The following NAB1 variants were observed in gnomAD, a reference collection of about 807,000 sequenced individuals.
NAB1 encodes NGFI-A-binding protein 1.
NAB1 carries 25 observed loss-of-function variants against 49.9 expected under a neutral mutation model. The observed-to-expected ratio is 0.50, with a 90% confidence interval of 0.37 to 0.70. The LOEUF is 0.70. NAB1 is among the 30% of genes least tolerant of loss of function. The pLI is 0.00. For synonymous variants in NAB1, 198 were observed against 215.6 expected, an observed-to-expected ratio of 0.92 and a Z score of 0.71; for missense variants, 489 against 575.9, an observed-to-expected ratio of 0.85 and a Z score of 1.54.
chr2:190,675,644 C>T lies in NAB1; in HGVS notation c.1005+2492C>T, dbSNP rs79646505. Among the ~76,000 whole-genome samples the T allele has an allele frequency of 4.2e-3, 635 of 152,296 alleles. 11 individuals carry two copies. In the East Asian group the frequency reaches 0.046, roughly 11 times the overall value. On this transcript the variant is annotated intron_variant, in intron 6 of 9. Coordinates refer to ENST00000337386, the MANE Select transcript of NAB1 (RefSeq NM_005966.4). The surrounding 1 kb of genome is among the most constrained non-coding windows in gnomAD (Gnocchi z 5.2). ...CTGTGAATAACTCTTCTAACCCTTC[C>T]TAAATAAGACAAGCGACAATCGGCC...
chr2:190,653,698 T>C (rs1222388609), intron 2 of NAB1: 1 of 152,244 alleles, frequency 6.6e-6, no homozygotes, highest in African/African-American at 2.4e-5. Flanking sequence ...AGATATTTGA[T>C]GATAACTTAC....
At chr2:190,662,259 T>C (rs1253104967) in intron 4 of NAB1, among the ~76,000 whole-genome samples, 1 of 152,242 alleles carries the variant, frequency 6.6e-6, no homozygotes, top group African/African-American at 2.4e-5. Context: ...TTTTTTCAAC[T>C]GTTCAAGTAC....
rs968945762 is a variant in NAB1, at chr2:190,677,735, G to T, written c.1005+4583G>T. 6.6e-6 allele frequency among the ~76,000 whole-genome samples: 1 copy of T among 152,156 alleles called. No individual in the cohort carries two copies. The highest frequency in any genetic ancestry group is 1.5e-5 in the Non-Finnish European group (1 of 68,032). On this transcript the variant is annotated intron_variant, in intron 6 of 9. Coordinates refer to ENST00000337386, the MANE Select transcript of NAB1 (RefSeq NM_005966.4). This position sits in a 1 kb window ranked among gnomAD's most constrained non-coding sequence, Gnocchi z 5.6. ...CATTTTACAGCCAAGGAGAGACCCA[G>T]ACAGGCTCAGTATCTTCACCTGTGT... is the stretch of plus-strand genomic sequence containing the variant.
chr2:190,687,415 A>C, intron 9 of NAB1, 98 bp downstream of exon 9: 1 of 604,714 alleles, frequency 1.7e-6, no homozygotes. Context: ...AAAAAAAAAA[A>C]AAAAGTCATT....
Position 190,686,379 on chromosome 2 carries a change from C to T in NAB1, c.1258+741C>T, listed in dbSNP as rs1212075327. On this transcript the variant is annotated intron_variant, in intron 8 of 9. Coordinates refer to ENST00000337386, the MANE Select transcript of NAB1 (RefSeq NM_005966.4). This position sits in a 1 kb window ranked among gnomAD's most constrained non-coding sequence, Gnocchi z 5.5. ...GAAGAAAAAAAATAATTTTATAGTGCCTCCTTTTTATATATTATTGTTATA... is the reference window on the plus strand; with the variant it reads ...GAAGAAAAAAAATAATTTTATAGTGTCTCCTTTTTATATATTATTGTTATA... Among the ~76,000 whole-genome samples, 1 of 152,036 alleles carries T rather than the reference C, an allele frequency of 6.6e-6. No individual in the cohort carries two copies. Among genetic ancestry groups the T allele is most frequent in the Admixed American group, 6.6e-5 (1 of 15,260 alleles).
rs973317310 is a variant in NAB1, at chr2:190,649,754, T to C, written c.-333-92T>C. 6.6e-6 allele frequency: 1 copy of C among 152,204 alleles called. No homozygotes were observed. Among genetic ancestry groups the C allele is most frequent in the Admixed American group, 6.5e-5 (1 of 15,280 alleles). The allele number at this position is 152,204 out of a possible 1,614,324, so 9.4% of individuals were successfully genotyped here. ...AGCCACCTTCGTCAGGGCAGTCTTT[T>C]TGTTTGTTTACTTTATAAAAGTGCT... On this transcript the variant is annotated intron_variant, in intron 1 of 9. Transcript: ENST00000337386. The surrounding 1 kb of genome is among the most constrained non-coding windows in gnomAD (Gnocchi z 6.1).
intron 9 of NAB1, 27 bp downstream of exon 9, chr2:190,687,344 G>T (rs754227330): frequency 8.8e-7 from 1 of 1,130,776 alleles, no homozygotes; most frequent in Non-Finnish European, 1.3e-6. Context: ...TGATGAGAGG[G>T]TAACACTTGA....
Position 190,649,617 on chromosome 2 carries a change from C to T in NAB1, c.-333-229C>T, listed in dbSNP as rs927643894. ...GCGCGGCCCTGACTCGTGCATTTTCCCTCCGAGAAAGGTTGGGGTGCCGAG... is the reference window on the plus strand; with the variant it reads ...GCGCGGCCCTGACTCGTGCATTTTCTCTCCGAGAAAGGTTGGGGTGCCGAG... On this transcript the variant is annotated intron_variant, in intron 1 of 9. Coordinates refer to ENST00000337386, the MANE Select transcript of NAB1 (RefSeq NM_005966.4). This position sits in a 1 kb window ranked among gnomAD's most constrained non-coding sequence, Gnocchi z 6.1. Among the ~76,000 whole-genome samples the T allele has an allele frequency of 6.6e-6, 1 of 151,984 alleles. No individual in the cohort carries two copies. The highest frequency in any genetic ancestry group is 1.5e-5 in the Non-Finnish European group (1 of 67,982).
At chr2:190,655,869 A>T (rs1437360224) in intron 2 of NAB1, 108 bp from the exon 3 acceptor site, 1 of 152,252 alleles carries the variant, frequency 6.6e-6, no homozygotes, top group Non-Finnish European at 1.5e-5. Context: ...AAGTTTTGGA[A>T]CAAATGATTA....
rs1695308860 is a variant in NAB1, at chr2:190,680,935, CAAGTT to C, written c.1006-2798_1006-2794del. 1.3e-5 allele frequency among the ~76,000 whole-genome samples: 2 copies of C among 152,096 alleles called. No homozygotes were observed. The highest frequency in any genetic ancestry group is 4.1e-4 in the South Asian group (2 of 4,832). On this transcript the variant is annotated intron_variant, in intron 6 of 9. Coordinates refer to ENST00000337386, the MANE Select transcript of NAB1 (RefSeq NM_005966.4). This position sits in a 1 kb window ranked among gnomAD's most constrained non-coding sequence, Gnocchi z 5.2. ...TTTCTGCTTCCTTAAAATGATTCTGCAAGTTAAGTACTATTGTTATCCCCATTTTA... is the reference window on the plus strand; with the variant it reads ...TTTCTGCTTCCTTAAAATGATTCTGCAAGTACTATTGTTATCCCCATTTTA...
In NAB1 at chr2:190,685,164, T is replaced by TA. The variant is rs1250863772; in HGVS notation, c.1096-306dup. ...TGCTGTTGCTTTTAGATTTCTGTTT[T>TA]AAAAAATCCTTTAAAGGACTTAGTA... On this transcript the variant is annotated intron_variant, in intron 7 of 9. Transcript: ENST00000337386. The surrounding 1 kb of genome is among the most constrained non-coding windows in gnomAD (Gnocchi z 4.5). 6.6e-6 allele frequency among the ~76,000 whole-genome samples: 1 copy of TA among 152,210 alleles called. No individual in the cohort carries two copies. The highest frequency in any genetic ancestry group is 1.9e-4 in the East Asian group (1 of 5,196).
At chr2:190,688,537 G>T (rs1695735565) in intron 9 of NAB1, among the ~76,000 whole-genome samples, 1 of 151,630 alleles carries the variant, frequency 6.6e-6, no homozygotes, top group Admixed American at 6.6e-5. Context: ...CAAAAAAAGT[G>T]ATCTTTAAAG....
chr2:190,671,879 G>A (rs1056508653), intron 5 of NAB1, among the ~76,000 whole-genome samples: 1 of 146,022 alleles, frequency 6.8e-6, no homozygotes, highest in African/African-American at 2.5e-5. Context: ...GGGTTCAAGC[G>A]ATTCTCTTGC....
At chr2:190,664,413 A>G (rs1209045415) in intron 4 of NAB1, among the ~76,000 whole-genome samples, 1 of 151,226 alleles carries the variant, frequency 6.6e-6, no homozygotes, top group Non-Finnish European at 1.5e-5. Context: ...GTGAGATCAC[A>G]GCTTACTGTA....
At chr2:190,662,578 C>A (rs976313611) in intron 4 of NAB1, among the ~76,000 whole-genome samples, 2 of 152,090 alleles carry the variant, frequency 1.3e-5, no homozygotes, top group African/African-American at 4.8e-5. Flanking sequence ...GGCAATGTTG[C>A]ATCTATCATA....
chr2:190,659,197 G>A lies in NAB1; in HGVS notation c.21G>A (p.Arg7=). MAAALP[R]TLGELQLYRI... ...GAGTAATGGCTGCGGCCTTACCCAG[G>A]ACCCTGGGGGAGTTGCAGCTGTATA... The change falls in exon 4 of 10, where the codon AGG becomes AGA. Residue 7 remains arginine, a synonymous_variant. Coordinates refer to ENST00000337386, the MANE Select transcript of NAB1 (RefSeq NM_005966.4). This position sits in a 1 kb window ranked among gnomAD's most constrained non-coding sequence, Gnocchi z 6.2. 6.2e-7 allele frequency: 1 copy of A among 1,613,466 alleles called. No homozygotes were observed. The highest frequency in any genetic ancestry group is 8.5e-7 in the Non-Finnish European group (1 of 1,179,758).
chr2:190,673,503 C>G (rs886679601), intron 6 of NAB1, among the ~76,000 whole-genome samples: 2 of 152,088 alleles, frequency 1.3e-5, no homozygotes, highest in African/African-American at 4.8e-5. Context: ...TGCCTAGTCC[C>G]AGGAAATTCT....
At position 190,679,551 on chromosome 2, in the gene NAB1, G is replaced by A. The variant is rs1328694403; in HGVS notation, c.1006-4187G>A. Among the ~76,000 whole-genome samples, 1 of 152,110 alleles carries A rather than the reference G, an allele frequency of 6.6e-6. No homozygotes were observed. The highest frequency in any genetic ancestry group is 2.4e-5 in the African/African-American group (1 of 41,412). On this transcript the variant is annotated intron_variant, in intron 6 of 9. Transcript: ENST00000337386. The surrounding 1 kb of genome is among the most constrained non-coding windows in gnomAD (Gnocchi z 5.3). The stretch of plus-strand genomic sequence containing the variant: ...ATGGTTGAATAATCCTGACTTTAGT[G>A]CCACCAGGTATTTGTATGGCAATGT...
chr2:190,677,788 C>T lies in NAB1; in HGVS notation c.1005+4636C>T, dbSNP rs2356126. Among the ~76,000 whole-genome samples, 34,875 of 152,000 alleles carry T rather than the reference C, an allele frequency of 0.23. 4,134 individuals carry two copies. The highest frequency in any genetic ancestry group is 0.3 in the East Asian group (1,539 of 5,160). ...CCAAACTGCTATCCAGTAGCAGAGC[C>T]GGGGCTTCCTATCTATGTCTGATTC... On this transcript the variant is annotated intron_variant, in intron 6 of 9. Coordinates refer to ENST00000337386, the MANE Select transcript of NAB1 (RefSeq NM_005966.4). The surrounding 1 kb of genome is among the most constrained non-coding windows in gnomAD (Gnocchi z 5.6).
Sources: allele counts gnomAD v4.1 joint callset (sites outside exome capture counted in the v4.1 genomes callset), GRCh38; gene constraint gnomAD v4.1.1; non-coding constraint Gnocchi (gnomAD v3.1); transcripts MANE v1.5; gene names NCBI Gene and HGNC (gene_info 2026-07-23, HGNC 2026-07-21).